The following DLG4 variants were observed in gnomAD, a reference collection of about 807,000 sequenced individuals.
DLG4 encodes the protein discs large MAGUK scaffold protein 4.
Under a neutral mutation model 93.8 loss-of-function variants are expected in DLG4, and 7 were observed. That is an observed-to-expected ratio of 0.07 (90% CI 0.04 to 0.14). The LOEUF is 0.14. Ranked by LOEUF, DLG4 falls within the 10% of genes least tolerant of loss-of-function variation. The probability of loss-of-function intolerance (pLI) is 1.00; values close to 1 mark genes in which losing one functional copy is unlikely to be tolerated. For synonymous variants in DLG4, 341 were observed against 387.6 expected (o/e 0.88, Z 1.41); for missense variants, 545 against 992.9 (o/e 0.55, Z 6.06).
chr17:7,191,918 G>T lies in DLG4; in HGVS notation c.1951C>A (p.Arg651Ser). The change falls in exon 18 of 20, where the codon CGC becomes AGC. Residue 651 changes from arginine (R) to serine (S), a missense_variant. Arg to Ser is a moderately radical substitution (Grantham distance 110). Transcript: ENST00000399506. This position sits in a 1 kb window ranked among gnomAD's most constrained non-coding sequence, Gnocchi z 6.6. ...AGCACATTCTCCAGGGAGCGGGGGCGGATGAAGATGGCGATGGGGTGCAGG... is the reference window on the plus strand; with the variant it reads ...AGCACATTCTCCAGGGAGCGGGGGCTGATGAAGATGGCGATGGGGTGCAGG... The part of the protein sequence containing the change: ...AHLHPIAIFI[R>S]PRSLENVLEI... The T allele has an allele frequency of 6.7e-7, 1 of 1,489,518 alleles. No individual in the cohort carries two copies. The highest frequency in any genetic ancestry group is 9.0e-7 in the Non-Finnish European group (1 of 1,116,918). The allele number at this position is 1,489,518 out of a possible 1,614,324, so 92.3% of individuals were successfully genotyped here. A position where few individuals can be genotyped will look rare whatever the true frequency, so the allele number is the denominator to read the frequency against.
chr17:7,219,170 T>C (rs1445279349), upstream of DLG4: 2 of 401,922 alleles, frequency 5.0e-6, no homozygotes, highest in African/African-American at 2.1e-5. Flanking sequence ...CCAATGAGAA[T>C]TGCAGAAAAA....
rs2069492010 is a variant in DLG4 at position 7,191,474 on chromosome 17, A to C, written c.1977-116T>G. 4 of 857,192 alleles carry C rather than the reference A, an allele frequency of 4.7e-6. No individual in the cohort carries two copies. The African/African-American group carries it at 6.8e-5, about 15-fold the overall frequency. 53.1% of individuals were successfully genotyped at this position (857,192 alleles called of 1,614,324 possible). ...ATTTGGAGCACATAGCAAAAAAAAA[A>C]ATACAATTCCCAATATCCTCTGGGG... On this transcript the variant is annotated intron_variant, in intron 18 of 19. Coordinates refer to ENST00000399506, the MANE Select transcript of DLG4 (RefSeq NM_001321075.3). The surrounding 1 kb of genome is among the most constrained non-coding windows in gnomAD (Gnocchi z 6.6).
At chr17:7,205,285 G>T in intron 2 of DLG4, 1 of 596,100 alleles carries the variant, frequency 1.7e-6, no homozygotes, top group Non-Finnish European at 2.1e-6. Flanking sequence ...CCAGGTCCCT[G>T]ACGTCAATCG....
intron 17 of DLG4, 185 bp from the exon 18 acceptor site, chr17:7,192,187 A>AT: frequency 2.2e-6 from 1 of 450,594 alleles, no homozygotes; most frequent in Non-Finnish European, 3.9e-6. Flanking sequence ...AGAGTAAAAG[A>AT]CAGAGGGAAA....
Position 7,193,236 on chromosome 17 carries a change from C to A in DLG4, c.1694-119G>T. The A allele has an allele frequency of 1.4e-6, 2 of 1,437,060 alleles. No homozygotes were observed. The highest frequency in any genetic ancestry group is 9.6e-7 in the Non-Finnish European group (1 of 1,044,992). 89.0% of individuals were successfully genotyped at this position (1,437,060 alleles called of 1,614,324 possible). A position where few individuals can be genotyped will look rare whatever the true frequency, so the allele number is the denominator to read the frequency against. ...TGGTCCTTTGGTGAAAGGGAGCTGC[C>A]AGGGAGACCAAGACTGCAGAGGGCC... On this transcript the variant is annotated intron_variant, in intron 16 of 19. Coordinates refer to ENST00000399506, the MANE Select transcript of DLG4 (RefSeq NM_001321075.3). The surrounding 1 kb of genome is among the most constrained non-coding windows in gnomAD (Gnocchi z 6.7).
At chr17:7,218,457 A>C (rs1433698884), upstream of DLG4, 8 of 1,452,818 alleles carry the variant, frequency 5.5e-6, no homozygotes, top group African/African-American at 4.2e-5. Flanking sequence ...GCTTGGACCA[A>C]ATGATCTCTG....
chr17:7,192,576 G>T, intron 17 of DLG4: 1 of 263,410 alleles, frequency 3.8e-6, no homozygotes. Flanking sequence ...CCCAGAAAAG[G>T]GTGAGGCAGG....
rs1300430397 is a variant in DLG4 at position 7,202,986 on chromosome 17, G to A, written c.704C>T (p.Thr235Met). ...CACCTTTAGGTAGACAACATCATAC[G>A]TGTTCTTCAGGGCTGCCACAGCATC... The part of the protein sequence containing the change: ...HEDAVAALKN[T>M]YDVVYLKVAK... Residue 235 changes from threonine (T) to methionine (M), a missense_variant, in exon 8 of 20, where the codon ACG (threonine) becomes ATG (methionine). Thr to Met is a moderately conservative substitution (Grantham distance 81). Coordinates refer to ENST00000399506, the MANE Select transcript of DLG4 (RefSeq NM_001321075.3). 8.7e-6 allele frequency: 14 copies of A among 1,613,622 alleles called. No homozygotes were observed. Among genetic ancestry groups the A allele is most frequent in the East Asian group, 2.2e-5 (1 of 44,892 alleles).
Position 7,191,671 on chromosome 17 carries a change from T to C in DLG4, c.1976+222A>G, listed in dbSNP as rs1379456105. On this transcript the variant is annotated intron_variant, in intron 18 of 19. Transcript: ENST00000399506. This position sits in a 1 kb window ranked among gnomAD's most constrained non-coding sequence, Gnocchi z 6.6. ...AGGCCCTGACTCGCCCCAGCTGGTA[T>C]GCCCCAGGGGCTGCTGGGAAATGTA... 5.1e-6 allele frequency: 3 copies of C among 587,652 alleles called. No homozygotes were observed. Among genetic ancestry groups the C allele is most frequent in the Admixed American group, 3.0e-5 (1 of 33,414 alleles). The allele number at this position is 587,652 out of a possible 1,614,324, so 36.4% of individuals were successfully genotyped here. A position where few individuals can be genotyped will look rare whatever the true frequency, so the allele number is the denominator to read the frequency against.
At chr17:7,202,705 A>G (rs2070209160) in intron 8 of DLG4, 198 bp downstream of exon 8, 1 of 705,182 alleles carries the variant, frequency 1.4e-6, no homozygotes, top group Admixed American at 3.2e-5. Context: ...TCCAGGAGAG[A>G]GATCGTTGAC....
At chr17:7,205,221 C>T in intron 2 of DLG4, 1 of 949,278 alleles carries the variant, frequency 1.1e-6, no homozygotes, top group Non-Finnish European at 1.3e-6. Flanking sequence ...TCCTATCCCG[C>T]TCATCTACTC....
rs1409433246 is a variant in DLG4 at position 7,205,029 on chromosome 17, G to A, written c.97-777C>T. The A allele has an allele frequency of 1.0e-5, 10 of 985,206 alleles. 1 individual carries two copies. Among genetic ancestry groups the A allele is most frequent in the African/African-American group, 5.2e-5 (3 of 57,166 alleles). 61.0% of individuals were successfully genotyped at this position (985,206 alleles called of 1,614,324 possible). ...AAACTCCTGAGCGCAGAAGGGATCC[G>A]CTAGCCCCGCCTCTCCTGCCCTGGG... On this transcript the variant is annotated intron_variant, in intron 2 of 19. Coordinates refer to ENST00000399506, the MANE Select transcript of DLG4 (RefSeq NM_001321075.3).
At position 7,190,191 on chromosome 17, in the gene DLG4, C is replaced by T. The variant is rs189508139; in HGVS notation, c.*517G>A. 2 of 152,816 alleles carry T rather than the reference C, an allele frequency of 1.3e-5. No homozygotes were observed. Among genetic ancestry groups the T allele is most frequent in the Admixed American group, 6.5e-5 (1 of 15,450 alleles). The allele number at this position is 152,816 out of a possible 1,614,324, so 9.5% of individuals were successfully genotyped here. ...GCTGCGGAGTCCCCTGCTTCTCCCC[C>T]CAAAAAACCACCTTTGAGAAGAAAA... On this transcript the variant is annotated 3_prime_UTR_variant, in exon 20 of 20. Coordinates refer to ENST00000399506, the MANE Select transcript of DLG4 (RefSeq NM_001321075.3).
intron 1 of DLG4, chr17:7,213,950 T>A (rs1873406935): frequency 2.3e-6 from 1 of 440,830 alleles, no homozygotes; most frequent in Non-Finnish European, 4.8e-6. Flanking sequence ...AATTTCCTTC[T>A]AGAATAGAAA....
chr17:7,208,297 G>A lies in DLG4; in HGVS notation c.31-58C>T, dbSNP rs2070570842. 4 of 1,289,086 alleles carry A rather than the reference G, an allele frequency of 3.1e-6. No homozygotes were observed. The East Asian group carries it at 8.4e-5, about 27-fold the overall frequency. 79.9% of individuals were successfully genotyped at this position (1,289,086 alleles called of 1,614,324 possible). A position where few individuals can be genotyped will look rare whatever the true frequency, so the allele number is the denominator to read the frequency against. On this transcript the variant is annotated intron_variant, in intron 1 of 19. Transcript: ENST00000399506. This position sits in a 1 kb window ranked among gnomAD's most constrained non-coding sequence, Gnocchi z 5.4. Reference sequence around the variant, plus strand: ...AGCCCGGTGCCTCAGGCTCCAGGCTGGCCGCCCTGGCCGCCGCCTCTTCCC... The same window carrying A: ...AGCCCGGTGCCTCAGGCTCCAGGCTAGCCGCCCTGGCCGCCGCCTCTTCCC...
intron 8 of DLG4, among the ~76,000 whole-genome samples, chr17:7,200,371 T>G (rs1219320612): frequency 6.6e-6 from 1 of 152,198 alleles, no homozygotes; most frequent in Admixed American, 6.5e-5. Context: ...TGTCTTTCAG[T>G]AAAGTTTTGT....
rs1220391805 is a variant in DLG4, at chr17:7,193,678, G to A, written c.1580C>T (p.Thr527Met). 6.4e-6 allele frequency: 10 copies of A among 1,552,484 alleles called. No homozygotes were observed. Among genetic ancestry groups the A allele is most frequent in the Admixed American group, 1.9e-5 (1 of 52,342 alleles). Residue 527 changes from threonine (T) to methionine (M), a missense_variant, in exon 15 of 20, where the codon ACG becomes ATG. Thr to Met is a moderately conservative substitution (Grantham distance 81). Around this residue, in one of 5 missense-constraint regions of DLG4, gnomAD observed 428 missense variants for 741.4 expected, o/e 0.58. Transcript: ENST00000399506. This position sits in a 1 kb window ranked among gnomAD's most constrained non-coding sequence, Gnocchi z 6.7. ...GGGCCAGGGCTCACCTTCCATCTGCGTCACTGTCTCGTAGCTCAGAACCGA... is the reference window on the plus strand; with the variant it reads ...GGGCCAGGGCTCACCTTCCATCTGCATCACTGTCTCGTAGCTCAGAACCGA... ...EDSVLSYETV[T>M]QMEVHYARPI...
chr17:7,194,195 G>T lies in DLG4; in HGVS notation c.1478+124C>A. 7.2e-7 allele frequency: 1 copy of T among 1,381,678 alleles called. No individual in the cohort carries two copies. Among genetic ancestry groups the T allele is most frequent in the Non-Finnish European group, 9.8e-7 (1 of 1,024,240 alleles). The allele number at this position is 1,381,678 out of a possible 1,614,324, so 85.6% of individuals were successfully genotyped here. On this transcript the variant is annotated intron_variant, in intron 12 of 19. Coordinates refer to ENST00000399506, the MANE Select transcript of DLG4 (RefSeq NM_001321075.3). The surrounding 1 kb of genome is among the most constrained non-coding windows in gnomAD (Gnocchi z 4.4). Reference sequence around the variant, plus strand: ...TCATGGGAGCCACGGACCCCAGGAGGGCCCAACAGACAAACCCCTAGGAGT... The same window carrying T: ...TCATGGGAGCCACGGACCCCAGGAGTGCCCAACAGACAAACCCCTAGGAGT...
In DLG4 at chr17:7,207,853, C is replaced by T. The variant is rs182035462; in HGVS notation, c.96+321G>A. On this transcript the variant is annotated intron_variant, in intron 2 of 19. Coordinates refer to ENST00000399506, the MANE Select transcript of DLG4 (RefSeq NM_001321075.3). ...ATTCTTGCTTTAGGCTTTACATCCACTCCCATTGGCCTGGCCTGTTTCTCC... is the reference window on the plus strand; with the variant it reads ...ATTCTTGCTTTAGGCTTTACATCCATTCCCATTGGCCTGGCCTGTTTCTCC... 2.7e-3 allele frequency among the ~76,000 whole-genome samples: 414 copies of T among 152,242 alleles called. 5 individuals are homozygous for T. Among genetic ancestry groups the T allele is most frequent in the African/African-American group, 9.2e-3 (381 of 41,516 alleles).
Sources: allele counts gnomAD v4.1 joint callset (sites outside exome capture counted in the v4.1 genomes callset), GRCh38; gene constraint gnomAD v4.1.1; regional missense constraint gnomAD v4.1.1; non-coding constraint Gnocchi (gnomAD v3.1); transcripts MANE v1.5; gene names NCBI Gene and HGNC (gene_info 2026-07-23, HGNC 2026-07-21).